Variants in DNAH2 observed in about 807,000 individuals in gnomAD.
The protein encoded by DNAH2 is axonemal beta dynein heavy chain 2.
Under a neutral mutation model 523.5 loss-of-function variants are expected in DNAH2, and 323 were observed. The ratio of observed to expected loss-of-function variants is 0.62; its 90% CI spans 0.56 to 0.68. The LOEUF (loss-of-function observed/expected upper bound fraction) is 0.68. Among genes scored for constraint, DNAH2 ranks in the 30% least tolerant of loss-of-function variants. The probability of loss-of-function intolerance (pLI) is 0.00; values close to 1 mark genes in which losing one functional copy is unlikely to be tolerated. For missense variants in DNAH2, 4,907 were observed against 5,701.5 expected, an observed-to-expected ratio of 0.86 and a Z score of 4.49; for synonymous variants, 2,093 against 2,177.4, an observed-to-expected ratio of 0.96 and a Z score of 1.08.
chr17:7,821,285 C>G lies in DNAH2; in HGVS notation c.11058C>G (p.Phe3686Leu), dbSNP rs751592387. 1 of 1,613,960 alleles carries G rather than the reference C, an allele frequency of 6.2e-7. No homozygotes were observed. The highest frequency in any genetic ancestry group is 1.1e-5 in the South Asian group (1 of 91,024). The part of the protein sequence containing the change: ...RTLFERHKLL[F>L]SFHMCAKILE... ...TTTTCGAACGCCACAAACTACTATT[C>G]AGTTTTCATATGTGTGCCAAAATCT... The change falls in exon 73 of 86, where the codon TTC becomes TTG. Residue 3686 changes from phenylalanine to leucine, a missense_variant. Phe to Leu is a conservative substitution (Grantham distance 22, BLOSUM62 0). This residue lies in a region of DNAH2 where 1,851 missense variants were observed against 2,139.4 expected (regional missense o/e 0.87). Transcript: ENST00000572933. The surrounding 1 kb of genome is among the most constrained non-coding windows in gnomAD (Gnocchi z 5.0).
At chr17:7,778,546 T>C in intron 35 of DNAH2, 77 bp downstream of exon 35, 1 of 1,369,774 alleles carries the variant, frequency 7.3e-7, no homozygotes, top group Non-Finnish European at 9.8e-7. Flanking sequence ...AACCCAAATC[T>C]GGTTCAGTGC....
intron 76 of DNAH2, 25 bp downstream of exon 76, chr17:7,824,329 C>T: frequency 2.7e-6 from 4 of 1,501,056 alleles, no homozygotes; most frequent in East Asian, 4.7e-5. Context: ...TTTCTTCCAC[C>T]CCCATCTTCA....
chr17:7,732,925 A>C (rs990004153), intron 4 of DNAH2, among the ~76,000 whole-genome samples, 162 bp from the exon 5 acceptor site: 1 of 152,202 alleles, frequency 6.6e-6, no homozygotes, highest in Non-Finnish European at 1.5e-5. Context: ...CTGGATATGG[A>C]ATCATATCCG....
rs1191531084 is a variant in DNAH2, at chr17:7,788,348, T to A, written c.6900+104T>A. 2.9e-6 allele frequency: 4 copies of A among 1,375,106 alleles called. No individual in the cohort carries two copies. In the African/African-American group the frequency reaches 5.8e-5, roughly 20 times the overall value. The allele number at this position is 1,375,106 out of a possible 1,614,324, so 85.2% of individuals were successfully genotyped here. A position where few individuals can be genotyped will look rare whatever the true frequency, so the allele number is the denominator to read the frequency against. On this transcript the variant is annotated intron_variant, in intron 44 of 85. Coordinates refer to ENST00000572933, the MANE Select transcript of DNAH2 (RefSeq NM_020877.5). ...GTCTGAGACAGGTTGAACTCCAGGC[T>A]TGAGTGGAGCAGAGACTCCAGGGGG...
In DNAH2 at chr17:7,797,828, C is replaced by T. The variant is rs752978422; in HGVS notation, c.8229C>T (p.His2743=). 25 of 1,608,868 alleles carry T rather than the reference C, an allele frequency of 1.6e-5. No homozygotes were observed. Among genetic ancestry groups the T allele is most frequent in the South Asian group, 1.4e-4 (13 of 90,426 alleles). The change falls in exon 53 of 86, where the codon CAC becomes CAT. Residue 2743 remains histidine, a splice_region_variant and synonymous_variant. Transcript: ENST00000572933. ...TGCTCTTCCGAGAGGCTATTGAACA[C>T]AGTGAGCACCTGCCACGCCTATCCC... ...QLVLFREAIE[H]ITRIVRVIGQ...
intron 77 of DNAH2, among the ~76,000 whole-genome samples, chr17:7,824,947 T>C (rs551664593): frequency 7.1e-4 from 108 of 152,338 alleles, no homozygotes; most frequent in Middle Eastern, 3.4e-3. Flanking sequence ...CTAAGTTCTT[T>C]ACATTTATTA....
chr17:7,806,462 C>T (rs539899466), intron 61 of DNAH2, among the ~76,000 whole-genome samples: 6 of 151,756 alleles, frequency 4.0e-5, no homozygotes, highest in South Asian at 2.1e-4. Context: ...TCGAGACCAT[C>T]CTGGCTAACA....
chr17:7,766,563 C>A, intron 22 of DNAH2, 82 bp downstream of exon 22: 1 of 1,426,148 alleles, frequency 7.0e-7, no homozygotes, highest in Non-Finnish European at 9.4e-7. Context: ...CCCACAAAGG[C>A]AGTGGGAAGG....
chr17:7,734,437 G>A lies in DNAH2; in HGVS notation c.740-33G>A, dbSNP rs775201511. 3 of 1,610,034 alleles carry A rather than the reference G, an allele frequency of 1.9e-6. No individual in the cohort carries two copies. The South Asian group carries it at 3.3e-5, about 18-fold the overall frequency. ...GGATGCTGTTGGGAAGCAGTGTGAA[G>A]AAACGAAGGAGATTTTGTACTCTCC... On this transcript the variant is annotated intron_variant, in intron 6 of 85. Coordinates refer to ENST00000572933, the MANE Select transcript of DNAH2 (RefSeq NM_020877.5).
rs149418354 is a variant in DNAH2, at chr17:7,770,814, G to C, written c.4243G>C (p.Ala1415Pro). Residue 1415 changes from alanine to proline, a missense_variant, in exon 27 of 86, where the codon GCA (alanine) becomes CCA (proline). Physicochemically the swap from Ala to Pro is conservative, Grantham distance 27 (BLOSUM62 -1). Transcript: ENST00000572933. ...DNQVALSTMK[A>P]SRFVKAFEKD... Reference sequence around the variant, plus strand: ...CCAGGTAGCTCTGTCTACCATGAAGGCATCACGCTTTGTCAAGGCCTTTGA... The same window carrying C: ...CCAGGTAGCTCTGTCTACCATGAAGCCATCACGCTTTGTCAAGGCCTTTGA... The C allele has an allele frequency of 8.1e-5, 131 of 1,614,048 alleles. No homozygotes were observed. Among genetic ancestry groups the C allele is most frequent in the Non-Finnish European group, 5.1e-5 (60 of 1,180,020 alleles).
Position 7,833,577 on chromosome 17 carries a change from C to T in DNAH2, c.*44C>T. 1 of 1,607,780 alleles carries T rather than the reference C, an allele frequency of 6.2e-7. No individual in the cohort carries two copies. The highest frequency in any genetic ancestry group is 8.5e-7 in the Non-Finnish European group (1 of 1,179,584). ...GCTTGAGAGAGAGGGTCAGGGACTC[C>T]AGGAGCTAAGACAGATGTTGCACCT... On this transcript the variant is annotated 3_prime_UTR_variant, in exon 86 of 86. Transcript: ENST00000572933.
intron 8 of DNAH2, among the ~76,000 whole-genome samples, chr17:7,738,531 G>A (rs142751196): frequency 0.015 from 2,327 of 152,024 alleles, 32 homozygotes; most frequent in African/African-American, 0.038. Context: ...GGGTTTCACC[G>A]TGTTAGCCAG....
intron 12 of DNAH2, among the ~76,000 whole-genome samples, chr17:7,752,160 T>TACACACTCACACACACACAC (rs1555544466): frequency 8.0e-6 from 1 of 124,952 alleles, no homozygotes; most frequent in Admixed American, 8.3e-5. Flanking sequence ...TAAGTCATTT[T>TACACACTCACACACACACAC]ACACACACAC....
rs1453841718 is a variant in DNAH2, at chr17:7,770,866, G to A, written c.4295G>A (p.Cys1432Tyr). 1 of 1,614,182 alleles carries A rather than the reference G, an allele frequency of 6.2e-7. No homozygotes were observed. The highest frequency in any genetic ancestry group is 1.3e-5 in the African/African-American group (1 of 75,048). Residue 1432 changes from cysteine to tyrosine, a missense_variant, in exon 27 of 86, where the codon TGC becomes TAC. Transcript: ENST00000572933. ...AAGGATGTGGACCACTGGGAACGCTGCCTCTCCCTCATTTTGGAGGTTATT... is the reference window on the plus strand; with the variant it reads ...AAGGATGTGGACCACTGGGAACGCTACCTCTCCCTCATTTTGGAGGTTATT... ...FEKDVDHWER[C>Y]LSLILEVIEM...
At chr17:7,743,288 T>C (rs193001410) in intron 12 of DNAH2, 146 bp downstream of exon 12, 6 of 945,820 alleles carry the variant, frequency 6.3e-6, no homozygotes, top group African/African-American at 1.6e-5. Flanking sequence ...CTTTTTTTTT[T>C]CTTCTTTTAT....
At chr17:7,741,322 C>CTT (rs60648275) in intron 11 of DNAH2, among the ~76,000 whole-genome samples, 5,368 of 93,774 alleles carry the variant, frequency 0.057, 553 homozygotes, top group South Asian at 0.099. Context: ...TCCCTCCCTC[C>CTT]CTCCTTCCTT....
chr17:7,767,400 G>A (rs1859017902), intron 22 of DNAH2, among the ~76,000 whole-genome samples: 1 of 152,026 alleles, frequency 6.6e-6, no homozygotes. Flanking sequence ...CCATGAACAC[G>A]CGTGTACTTG....
rs2151209130 is a variant in DNAH2, at chr17:7,765,566, G to T, written c.3511+1G>T. The T allele has an allele frequency of 6.2e-7, 1 of 1,611,246 alleles. No homozygotes were observed. Among genetic ancestry groups the T allele is most frequent in the East Asian group, 2.2e-5 (1 of 44,852 alleles). Reference sequence around the variant, plus strand: ...CTTCTGGAAGATTTCGAATTCAAAGGTACTCCTTGATCCACCTCTCCCGCT... The same window carrying T: ...CTTCTGGAAGATTTCGAATTCAAAGTTACTCCTTGATCCACCTCTCCCGCT... On this transcript the variant is annotated splice_donor_variant, in intron 21 of 85. Transcript: ENST00000572933. LOFTEE classifies it high-confidence loss of function.
intron 51 of DNAH2, 45 bp from the exon 52 acceptor site, chr17:7,797,355 T>C (rs1191787749): frequency 2.5e-6 from 4 of 1,613,670 alleles, no homozygotes; most frequent in Admixed American, 1.7e-5. Flanking sequence ...CCCCAGGCCA[T>C]TCTCCTCTTT....
Sources: gnomAD v4.1 joint callset for allele counts (sites outside exome capture counted in the v4.1 genomes callset) on GRCh38, gnomAD v4.1.1 for gene constraint, gnomAD v4.1.1 regional missense constraint, Gnocchi (gnomAD v3.1) non-coding constraint, MANE v1.5 for transcripts, NCBI Gene and HGNC (gene_info 2026-07-23, HGNC 2026-07-21) for gene names.